RAPGEF2: variants seen among roughly 807,000 people sequenced by gnomAD.
The protein encoded by RAPGEF2 is PDZ domain containing guanine nucleotide exchange factor (GEF) 1.
Under a neutral mutation model 186.7 loss-of-function variants are expected in RAPGEF2, and 54 were observed. The observed-to-expected ratio is 0.29, with a 90% confidence interval of 0.23 to 0.36. The LOEUF is 0.36. Among genes scored for constraint, RAPGEF2 ranks in the 10% least tolerant of loss-of-function variants. RAPGEF2 has a pLI of 1.00. For missense variants in RAPGEF2, 1,532 were observed against 2,045.0 expected (o/e 0.75, Z 4.84); for synonymous variants, 712 against 705.9 (o/e 1.01, Z -0.14).
chr4:159,313,637 T>C (rs1450409388), intron 8 of RAPGEF2, among the ~76,000 whole-genome samples: 2 of 152,184 alleles, frequency 1.3e-5, no homozygotes, highest in Admixed American at 1.3e-4. Flanking sequence ...CTTTGTAATA[T>C]ACGTTTTCTA....
At chr4:159,194,404 A>G (rs1345368615) in intron 3 of RAPGEF2, among the ~76,000 whole-genome samples, 1 of 152,130 alleles carries the variant, frequency 6.6e-6, no homozygotes, top group East Asian at 1.9e-4. Context: ...CATGTTATGG[A>G]AAATTTCAGA....
intron 4 of RAPGEF2, among the ~76,000 whole-genome samples, chr4:159,238,558 C>T (rs976295119): frequency 9.2e-5 from 14 of 152,098 alleles, no homozygotes; most frequent in Non-Finnish European, 1.9e-4. Context: ...AATAATTCTC[C>T]TTTACTTACA....
chr4:159,355,359 C>T (rs968723509), intron 28 of RAPGEF2, among the ~76,000 whole-genome samples: 34 of 152,170 alleles, frequency 2.2e-4, no homozygotes, highest in African/African-American at 7.2e-4. Context: ...AGTCTTGAGA[C>T]CCGAGAGTGA....
intron 1 of RAPGEF2, among the ~76,000 whole-genome samples, chr4:159,171,771 G>A (rs900612346): frequency 2.0e-5 from 3 of 151,944 alleles, no homozygotes; most frequent in Non-Finnish European, 4.4e-5. Context: ...AATAAGAGCC[G>A]GAAGTAAAAG....
At chr4:159,318,131 G>A (rs923528382) in intron 9 of RAPGEF2, among the ~76,000 whole-genome samples, 1 of 151,754 alleles carries the variant, frequency 6.6e-6, no homozygotes, top group African/African-American at 2.4e-5. Context: ...TTACTTGCAA[G>A]CAATGACAAT....
chr4:159,322,328 T>C lies in RAPGEF2; in HGVS notation c.854-19T>C, dbSNP rs752078317. The C allele has an allele frequency of 2.2e-5, 36 of 1,610,384 alleles. No homozygotes were observed. The highest frequency in any genetic ancestry group is 3.1e-5 in the Non-Finnish European group (36 of 1,177,162). On this transcript the variant is annotated intron_variant, in intron 9 of 29. Transcript: ENST00000691494. Reference sequence around the variant, plus strand: ...AATAAAAGTAGTAGTTTTTACAAAGTATGTCTTTTGCTTTTCAGAACAACT... The same window carrying C: ...AATAAAAGTAGTAGTTTTTACAAAGCATGTCTTTTGCTTTTCAGAACAACT...
chr4:159,165,177 G>A (rs911732422), intron 1 of RAPGEF2, among the ~76,000 whole-genome samples: 28 of 152,058 alleles, frequency 1.8e-4, no homozygotes, highest in Admixed American at 1.6e-3. Flanking sequence ...ATTTCCAGCT[G>A]TTTTGTTGAA....
chr4:159,249,228 A>ATT (rs112503514), intron 7 of RAPGEF2, among the ~76,000 whole-genome samples: 2,030 of 137,228 alleles, frequency 0.015, 65 homozygotes, highest in African/African-American at 0.051. Context: ...TTATCATGTG[A>ATT]TTTTTTTTTT....
At chr4:159,149,811 C>T (rs957490986) in intron 1 of RAPGEF2, among the ~76,000 whole-genome samples, 10 of 152,102 alleles carry the variant, frequency 6.6e-5, no homozygotes, top group Non-Finnish European at 1.0e-4. Context: ...GGTAGTTTTA[C>T]CCATTGTTTG....
intron 1 of RAPGEF2, among the ~76,000 whole-genome samples, chr4:159,184,440 G>A (rs1162175626): frequency 6.6e-6 from 1 of 152,154 alleles, no homozygotes; most frequent in Non-Finnish European, 1.5e-5. Flanking sequence ...CATTCTAACT[G>A]GTGTGAGATG....
rs70962654 is a variant in RAPGEF2 at position 159,122,038 on chromosome 4, CAAAAAAAA to C, written c.69+17824_69+17831del. ...TGGGAGACAGAGCAAGACTCCATCT[CAAAAAAAA>C]AAAAAAAAAAAAAAAATACAGGTTA... On this transcript the variant is annotated intron_variant, in intron 1 of 29. Coordinates refer to ENST00000691494, the MANE Select transcript of RAPGEF2 (RefSeq NM_001394067.2). 7.8e-5 allele frequency among the ~76,000 whole-genome samples: 4 copies of C among 51,436 alleles called. No individual in the cohort carries two copies. The South Asian group carries it at 2.6e-3, about 33-fold the overall frequency. The allele number at this position is 51,436 out of a possible 152,430, so 33.7% of individuals were successfully genotyped here. A position where few individuals can be genotyped will look rare whatever the true frequency, so the allele number is the denominator to read the frequency against.
In RAPGEF2 at chr4:159,268,237, T is replaced by C. The variant is rs1006908627; in HGVS notation, c.543+24446T>C. 2.6e-6 allele frequency: 4 copies of C among 1,522,250 alleles called. No homozygotes were observed. In the African/African-American group the frequency reaches 4.1e-5, roughly 16 times the overall value. 94.3% of individuals were successfully genotyped at this position (1,522,250 alleles called of 1,614,324 possible). Reference sequence around the variant, plus strand: ...CTCAGTAAGTATCGCAAATGCTGCTTGTGCTTTGATAGCACGTCATAGAGA... The same window carrying C: ...CTCAGTAAGTATCGCAAATGCTGCTCGTGCTTTGATAGCACGTCATAGAGA... On this transcript the variant is annotated intron_variant, in intron 7 of 29. Transcript: ENST00000691494.
At position 159,343,390 on chromosome 4, in the gene RAPGEF2, C is replaced by T. The variant is rs201940611; in HGVS notation, c.3240C>T (p.Leu1080=). The T allele has an allele frequency of 2.5e-6, 4 of 1,614,002 alleles. No individual in the cohort carries two copies. Among genetic ancestry groups the T allele is most frequent in the Non-Finnish European group, 3.4e-6 (4 of 1,179,916 alleles). The change falls in exon 22 of 30, where the codon CTC becomes CTT. Residue 1080 remains leucine (L), a synonymous_variant. Transcript: ENST00000691494. The part of the protein sequence containing the change: ...RMASVNMDPA[L]MFRTRKKKWR... ...CTTCAGTGAACATGGACCCTGCCCT[C>T]ATGTTCAGGACTCGGTGAGTATGTC...
At position 159,171,393 on chromosome 4, in the gene RAPGEF2, G is replaced by A. The variant is rs144002020; in HGVS notation, c.70-15249G>A. 1.0e-3 allele frequency among the ~76,000 whole-genome samples: 156 copies of A among 152,196 alleles called. 1 individual carries two copies. The highest frequency in any genetic ancestry group is 3.4e-3 in the Middle Eastern group (1 of 294). On this transcript the variant is annotated intron_variant, in intron 1 of 29. Transcript: ENST00000691494. ...GATACTCTTATTATTCCTATTTTAC[G>A]GGTGGAGAGACTGAGCCACAGAGAG... is the stretch of plus-strand genomic sequence containing the variant.
rs60243925 is a variant in RAPGEF2 at position 159,335,348 on chromosome 4, T to TCGA, written c.2135+2651_2135+2652insCGA. Among the ~76,000 whole-genome samples, 942 of 152,134 alleles carry TCGA rather than the reference T, an allele frequency of 6.2e-3. 6 individuals carry two copies. The highest frequency in any genetic ancestry group is 0.021 in the African/African-American group (888 of 41,496). Reference sequence around the variant, plus strand: ...AAACCAGTGCAGATCGAAAGACAATTTCAGTAACAAGGAAAGTGTTGGAGA... The same window carrying TCGA: ...AAACCAGTGCAGATCGAAAGACAATTCGATCAGTAACAAGGAAAGTGTTGGAGA... On this transcript the variant is annotated intron_variant, in intron 17 of 29. Coordinates refer to ENST00000691494, the MANE Select transcript of RAPGEF2 (RefSeq NM_001394067.2).
intron 7 of RAPGEF2, among the ~76,000 whole-genome samples, chr4:159,292,938 T>G (rs962501895): frequency 2.0e-5 from 3 of 152,202 alleles, no homozygotes; most frequent in African/African-American, 7.2e-5. Flanking sequence ...GATTTTGTTC[T>G]CAAGTTACAT....
chr4:159,303,143 AAGGGATATAAATAC>A (rs2111043654), intron 7 of RAPGEF2, among the ~76,000 whole-genome samples: 1 of 152,262 alleles, frequency 6.6e-6, no homozygotes, highest in South Asian at 2.1e-4. Flanking sequence ...CTGAATTATT[AAGGGATATAAATAC>A]ATTTTGCCTA....
At chr4:159,251,554 G>A (rs1755396976) in intron 7 of RAPGEF2, among the ~76,000 whole-genome samples, 1 of 152,174 alleles carries the variant, frequency 6.6e-6, no homozygotes, top group South Asian at 2.1e-4. Context: ...CGAGAGGATT[G>A]TAAATGCACC....
chr4:159,138,248 A>T (rs538709474), intron 1 of RAPGEF2, among the ~76,000 whole-genome samples: 1 of 152,212 alleles, frequency 6.6e-6, no homozygotes, highest in South Asian at 2.1e-4. Flanking sequence ...ACACATATGC[A>T]TATAAGATGG....
Sources: gnomAD v4.1 joint callset for allele counts (sites outside exome capture counted in the v4.1 genomes callset) on GRCh38, gnomAD v4.1.1 for gene constraint, MANE v1.5 for transcripts, NCBI Gene and HGNC (gene_info 2026-07-23, HGNC 2026-07-21) for gene names.